Variants in GRIN2A observed in about 807,000 individuals in gnomAD.
GRIN2A encodes the protein glutamate ionotropic receptor NMDA type subunit 2A.
A neutral mutation model predicts 113.4 loss-of-function variants in GRIN2A; 22 were observed. The ratio of observed to expected loss-of-function variants is 0.19; its 90% CI spans 0.14 to 0.28. GRIN2A has a LOEUF of 0.28. Among genes scored for constraint, GRIN2A ranks in the 10% least tolerant of loss-of-function variants. The pLI, the probability that GRIN2A is intolerant of heterozygous loss-of-function variation, is 1.00. For synonymous variants in GRIN2A, 827 were observed against 738.4 expected, an observed-to-expected ratio of 1.12 and a Z score of -1.94; for missense variants, 1,502 against 1,887.0, an observed-to-expected ratio of 0.80 and a Z score of 3.78.
chr16:9,904,100 C>G (rs2043985025), intron 3 of GRIN2A, among the ~76,000 whole-genome samples: 1 of 152,208 alleles, frequency 6.6e-6, no homozygotes, highest in South Asian at 2.1e-4. Context: ...TCAAGTTATT[C>G]CAGACTCAGC....
At chr16:9,829,373 G>C in intron 9 of GRIN2A, 50 bp downstream of exon 9, 1 of 1,145,800 alleles carries the variant, frequency 8.7e-7, no homozygotes, top group Non-Finnish European at 1.3e-6. Context: ...CCTGAAAGGA[G>C]AGCAGTTAAG....
At chr16:9,923,207 T>C (rs1191515511) in intron 3 of GRIN2A, among the ~76,000 whole-genome samples, 2 of 152,158 alleles carry the variant, frequency 1.3e-5, no homozygotes, top group African/African-American at 2.4e-5. Context: ...GAAATGGCAA[T>C]ATTTAATGCC....
At chr16:9,812,180 T>G (rs923308922) in intron 10 of GRIN2A, among the ~76,000 whole-genome samples, 2 of 152,198 alleles carry the variant, frequency 1.3e-5, no homozygotes, top group Non-Finnish European at 2.9e-5. Context: ...CCAGACACGC[T>G]GCTTAATCTC....
chr16:10,005,269 C>T (rs151202023), intron 2 of GRIN2A, among the ~76,000 whole-genome samples: 1 of 152,176 alleles, frequency 6.6e-6, no homozygotes, highest in African/African-American at 2.4e-5. Flanking sequence ...ATATCAGAAG[C>T]TACTTATATT....
chr16:10,048,414 G>A (rs1306878038), intron 2 of GRIN2A, among the ~76,000 whole-genome samples: 1 of 152,158 alleles, frequency 6.6e-6, no homozygotes, highest in Non-Finnish European at 1.5e-5. Context: ...AATTATTTAA[G>A]AATCTAATTT....
intron 3 of GRIN2A, among the ~76,000 whole-genome samples, chr16:9,912,830 G>A (rs552230838): frequency 6.4e-4 from 98 of 152,234 alleles, no homozygotes; most frequent in Non-Finnish European, 1.2e-3. Context: ...AAATGCTATT[G>A]AATTTCATAT....
intron 9 of GRIN2A, among the ~76,000 whole-genome samples, chr16:9,826,657 T>G (rs1444539370): frequency 2.0e-5 from 3 of 152,234 alleles, no homozygotes; most frequent in Non-Finnish European, 1.5e-5. Flanking sequence ...ATATAGGTTA[T>G]TTACTCCAGG....
At chr16:9,858,234 G>C (rs572065418) in intron 4 of GRIN2A, among the ~76,000 whole-genome samples, 1 of 152,288 alleles carries the variant, frequency 6.6e-6, no homozygotes, top group Admixed American at 6.5e-5. Flanking sequence ...AAGCAATAAA[G>C]TGGGGATGGC....
chr16:9,838,757 C>A (rs184480669), intron 7 of GRIN2A, among the ~76,000 whole-genome samples: 41 of 152,094 alleles, frequency 2.7e-4, no homozygotes, highest in African/African-American at 8.9e-4. Context: ...GCAGCTTTTT[C>A]TAAGTTTGAG....
In GRIN2A at chr16:9,849,770, C is replaced by G. The variant is rs781270566; in HGVS notation, c.1314G>C (p.Lys438Asn). The G allele has an allele frequency of 6.2e-7, 1 of 1,613,992 alleles. No homozygotes were observed. Among genetic ancestry groups the G allele is most frequent in the Non-Finnish European group, 8.5e-7 (1 of 1,179,924 alleles). The change falls in exon 5 of 13, where the codon AAG (lysine) becomes AAC (asparagine). Residue 438 changes from lysine (K) to asparagine (N), a missense_variant. Lys to Asn is a moderately conservative substitution (Grantham distance 94, BLOSUM62 0). Transcript: ENST00000330684. ...TCVRNTVPCR[K>N]FVKINNSTNE... ...CTGCCACTCACTTGATTTTGACGAA[C>G]TTCCGACATGGCACGGTGTTCCTCA...
At chr16:10,044,516 A>G (rs757954071) in intron 2 of GRIN2A, among the ~76,000 whole-genome samples, 2 of 151,638 alleles carry the variant, frequency 1.3e-5, no homozygotes, top group Non-Finnish European at 2.9e-5. Context: ...AAATTAAGTC[A>G]TTCTTCATCT....
intron 4 of GRIN2A, among the ~76,000 whole-genome samples, chr16:9,866,142 A>C (rs1027042898): frequency 6.6e-6 from 1 of 152,200 alleles, no homozygotes; most frequent in African/African-American, 2.4e-5. Flanking sequence ...GAGGAAGATA[A>C]AATACAATGC....
In GRIN2A at chr16:9,981,984, C is replaced by T. The variant is rs570455356; in HGVS notation, c.415-43433G>A. The stretch of plus-strand genomic sequence containing the variant: ...GTATTTTTAGTAGAGACGGGGGTTT[C>T]GCCATGTTGTCCAGGCAGGTCTGGA... On this transcript the variant is annotated intron_variant, in intron 2 of 12. Coordinates refer to ENST00000330684, the MANE Select transcript of GRIN2A (RefSeq NM_001134407.3). 4.6e-3 allele frequency among the ~76,000 whole-genome samples: 699 copies of T among 152,122 alleles called. 1 individual carries two copies. Among genetic ancestry groups the T allele is most frequent in the Non-Finnish European group, 7.2e-3 (489 of 67,998 alleles).
chr16:9,970,916 G>C (rs2045657237), intron 2 of GRIN2A: 1 of 155,150 alleles, frequency 6.4e-6, no homozygotes, highest in Admixed American at 6.5e-5. Context: ...GAATAATGGA[G>C]AGATGAGAGG....
chr16:9,980,558 T>C (rs2045871270), intron 2 of GRIN2A, among the ~76,000 whole-genome samples: 1 of 152,100 alleles, frequency 6.6e-6, no homozygotes, highest in African/African-American at 2.4e-5. Flanking sequence ...TGCGGTACTA[T>C]TCACAATAGC....
chr16:9,877,186 A>T (rs1332980046), intron 4 of GRIN2A, among the ~76,000 whole-genome samples: 2 of 152,074 alleles, frequency 1.3e-5, no homozygotes, highest in Non-Finnish European at 2.9e-5. Flanking sequence ...GAAATCAGAG[A>T]CTCACTTCAC....
chr16:10,131,847 G>A (rs560578657), intron 2 of GRIN2A, among the ~76,000 whole-genome samples: 5 of 152,106 alleles, frequency 3.3e-5, no homozygotes, highest in South Asian at 2.1e-4. Context: ...AACAGGAAGA[G>A]TAATTCGCCA....
At chr16:10,036,752 A>AT (rs1219518201) in intron 2 of GRIN2A, among the ~76,000 whole-genome samples, 3 of 151,290 alleles carry the variant, frequency 2.0e-5, no homozygotes, top group South Asian at 2.1e-4. Flanking sequence ...GGCCAGTATT[A>AT]TTTTTTTTAA....
At chr16:9,858,414 C>G (rs2141390280) in intron 4 of GRIN2A, among the ~76,000 whole-genome samples, 1 of 151,980 alleles carries the variant, frequency 6.6e-6, no homozygotes, top group Middle Eastern at 3.4e-3. Context: ...TACTTAAAAG[C>G]AGTTCTCAAT....
Sources: allele counts gnomAD v4.1 joint callset (sites outside exome capture counted in the v4.1 genomes callset), GRCh38; gene constraint gnomAD v4.1.1; transcripts MANE v1.5; gene names NCBI Gene and HGNC (gene_info 2026-07-23, HGNC 2026-07-21).